NELL2: variants seen among roughly 807,000 people sequenced by gnomAD.
NELL2 encodes neural EGFL like 2.
In NELL2, 41 loss-of-function variants were observed where a neutral mutation model predicts 109.6. That is an observed-to-expected ratio of 0.37 (90% confidence interval 0.29 to 0.49). NELL2 has a LOEUF of 0.49. NELL2 is among the 20% of genes least tolerant of loss of function. The pLI is 0.98. For missense variants in NELL2, 900 were observed against 1,008.3 expected (o/e 0.89, Z 1.45); for synonymous variants, 355 against 344.7 (o/e 1.03, Z -0.33).
At position 44,654,753 on chromosome 12, in the gene NELL2, C is replaced by T. The variant is rs369719141; in HGVS notation, c.1444+10731G>A. On this transcript the variant is annotated intron_variant, in intron 13 of 19. Coordinates refer to ENST00000429094, the MANE Select transcript of NELL2 (RefSeq NM_001145108.2). ...ATGACTTGTCATGAATGTGACACTG[C>T]AGAGGCACCGCGGGCTGGGGAGGAA... is the stretch of plus-strand genomic sequence containing the variant. 3.7e-4 allele frequency among the ~76,000 whole-genome samples: 57 copies of T among 152,252 alleles called. No homozygotes were observed. The South Asian group carries it at 0.012, about 32-fold the overall frequency.
chr12:44,886,084 T>TAAGGAAGGAAGGAAGG (rs60040149), intron 1 of NELL2, among the ~76,000 whole-genome samples: 8 of 115,732 alleles, frequency 6.9e-5, no homozygotes, highest in South Asian at 3.2e-4. Flanking sequence ...ATCCATATAG[T>TAAGGAAGGAAGGAAGG]AAGGAAGGAA....
chr12:44,721,307 C>T (rs1025871687), intron 9 of NELL2, among the ~76,000 whole-genome samples: 1 of 152,158 alleles, frequency 6.6e-6, no homozygotes, highest in Admixed American at 6.5e-5. Context: ...ATAATCAATT[C>T]ATTTAGTCCT....
intron 15 of NELL2, among the ~76,000 whole-genome samples, chr12:44,556,793 C>T (rs575550168): frequency 2.6e-5 from 4 of 152,262 alleles, no homozygotes; most frequent in East Asian, 3.9e-4. Flanking sequence ...ATTAGATAGA[C>T]AAGCTGGTAA....
At chr12:44,913,703 G>A in intron 1 of NELL2, 1 of 498,512 alleles carries the variant, frequency 2.0e-6, no homozygotes, top group Admixed American at 4.2e-5. Flanking sequence ...CAAAACCACA[G>A]CTGTTTGAAA....
At chr12:44,609,624 T>C (rs1945536476) in intron 14 of NELL2, among the ~76,000 whole-genome samples, 3 of 152,072 alleles carry the variant, frequency 2.0e-5, no homozygotes, top group Admixed American at 2.0e-4. Flanking sequence ...TCCAAGCAAA[T>C]TTTTGTGGGA....
intron 9 of NELL2, among the ~76,000 whole-genome samples, chr12:44,719,965 T>A (rs575020386): frequency 3.9e-5 from 6 of 152,240 alleles, no homozygotes; most frequent in Admixed American, 2.0e-4. Flanking sequence ...AAACAAAAAA[T>A]TTTAAAAGTG....
intron 19 of NELL2, among the ~76,000 whole-genome samples, chr12:44,514,557 AC>A (rs1941164392): frequency 7.0e-6 from 1 of 142,714 alleles, no homozygotes; most frequent in African/African-American, 3.0e-5. Flanking sequence ...TCAATCTCTT[AC>A]TGTGCCAACT....
At chr12:44,764,859 A>G (rs992305724) in intron 9 of NELL2, among the ~76,000 whole-genome samples, 17 of 148,920 alleles carry the variant, frequency 1.1e-4, no homozygotes, top group Admixed American at 6.1e-4. Flanking sequence ...AGAGAGAGAG[A>G]AAAAAAAAAG....
intron 2 of NELL2, among the ~76,000 whole-genome samples, chr12:44,847,672 C>CTTG (rs1443118943): frequency 4.6e-5 from 7 of 151,494 alleles, no homozygotes; most frequent in African/African-American, 1.5e-4. Context: ...CCATGCAAGA[C>CTTG]TGGAAAGGGT....
intron 2 of NELL2, among the ~76,000 whole-genome samples, chr12:44,838,002 T>C (rs1176772911): frequency 1.3e-5 from 2 of 152,196 alleles, no homozygotes; most frequent in African/African-American, 4.8e-5. Context: ...TTGTGAAACC[T>C]GCACGGGGGA....
At chr12:44,802,827 T>C (rs999225678) in intron 3 of NELL2, among the ~76,000 whole-genome samples, 6 of 152,064 alleles carry the variant, frequency 3.9e-5, no homozygotes, top group Non-Finnish European at 7.4e-5. Context: ...ATTTTATCCA[T>C]GTCACTAAGA....
At chr12:44,873,084 A>C (rs1945210700) in intron 2 of NELL2, among the ~76,000 whole-genome samples, 1 of 152,238 alleles carries the variant, frequency 6.6e-6, no homozygotes. Flanking sequence ...TCACAAGAGC[A>C]TAATCAATAC....
intron 13 of NELL2, among the ~76,000 whole-genome samples, chr12:44,638,391 TA>T (rs1730822101): frequency 6.6e-6 from 1 of 152,118 alleles, no homozygotes; most frequent in African/African-American, 2.4e-5. Flanking sequence ...GCAGGTTATG[TA>T]AAAGTCCTAA....
intron 17 of NELL2, 32 bp downstream of exon 17, chr12:44,523,259 A>G: frequency 6.2e-7 from 1 of 1,609,670 alleles, no homozygotes. Flanking sequence ...ACAACTGAAT[A>G]AAATTAATTA....
At chr12:44,876,407 G>T (rs1337541422), upstream of NELL2, 3 of 1,263,682 alleles carry the variant, frequency 2.4e-6, no homozygotes, top group Admixed American at 1.1e-4. Flanking sequence ...GGGAGGGGCC[G>T]CCGAGGGCGA....
chr12:44,797,323 C>T (rs1942659215), intron 3 of NELL2, among the ~76,000 whole-genome samples: 1 of 152,008 alleles, frequency 6.6e-6, no homozygotes, highest in Admixed American at 6.6e-5. Context: ...ATGGTCATAT[C>T]ATAAAAGCAT....
chr12:44,561,448 A>T (rs1943465289), intron 15 of NELL2, among the ~76,000 whole-genome samples: 1 of 152,158 alleles, frequency 6.6e-6, no homozygotes, highest in Non-Finnish European at 1.5e-5. Flanking sequence ...CTCAGCCTCA[A>T]CTCTCCTTAA....
chr12:44,535,489 C>T (rs565343338), intron 15 of NELL2, among the ~76,000 whole-genome samples: 36 of 151,748 alleles, frequency 2.4e-4, no homozygotes, highest in Non-Finnish European at 4.7e-4. Context: ...CAATTTCTGC[C>T]CTCAGTTAGT....
At chr12:44,855,103 G>C (rs1944645994) in intron 2 of NELL2, among the ~76,000 whole-genome samples, 1 of 152,024 alleles carries the variant, frequency 6.6e-6, no homozygotes, top group South Asian at 2.1e-4. Flanking sequence ...TAAGTCTTCA[G>C]CACCTAGTAT....
Sources: allele counts gnomAD v4.1 joint callset (sites outside exome capture counted in the v4.1 genomes callset), GRCh38; gene constraint gnomAD v4.1.1; transcripts MANE v1.5; gene names NCBI Gene and HGNC (gene_info 2026-07-23, HGNC 2026-07-21).